Variants in DLG2 observed in about 807,000 individuals in gnomAD.
The protein encoded by DLG2 is disks large homolog 2.
Under a neutral mutation model 132.5 loss-of-function variants are expected in DLG2, and 45 were observed. The observed-to-expected ratio is 0.34, with a 90% confidence interval of 0.27 to 0.44. The LOEUF is 0.44. Among genes scored for constraint, DLG2 ranks in the 20% least tolerant of loss-of-function variants. The pLI is 1.00. For missense variants in DLG2, 1,045 were observed against 1,196.9 expected (o/e 0.87, Z 1.87); for synonymous variants, 424 against 419.6 (o/e 1.01, Z -0.13).
intron 3 of DLG2, among the ~76,000 whole-genome samples, chr11:85,356,063 G>T (rs1053423610): frequency 1.3e-5 from 2 of 152,104 alleles, no homozygotes; most frequent in African/African-American, 4.8e-5. Context: ...ATTTTAAACT[G>T]CCTGAACTAT....
chr11:84,491,869 C>T (rs568223753), intron 7 of DLG2, among the ~76,000 whole-genome samples: 7 of 152,142 alleles, frequency 4.6e-5, no homozygotes, highest in African/African-American at 1.7e-4. Context: ...TGGTGTGGCC[C>T]GGTCATTGAT....
chr11:83,572,308 C>T (rs564104617), intron 19 of DLG2, among the ~76,000 whole-genome samples: 8 of 151,980 alleles, frequency 5.3e-5, no homozygotes, highest in Admixed American at 2.6e-4. Flanking sequence ...CAAATAGAAA[C>T]GGGAATGTGA....
chr11:83,765,768 T>G (rs1055379673), intron 18 of DLG2, among the ~76,000 whole-genome samples: 3 of 152,190 alleles, frequency 2.0e-5, no homozygotes, highest in Non-Finnish European at 4.4e-5. Context: ...GCACAATATA[T>G]GTACAATTGA....
chr11:83,662,450 G>C (rs752622581), intron 18 of DLG2, among the ~76,000 whole-genome samples: 1 of 152,196 alleles, frequency 6.6e-6, no homozygotes, highest in Non-Finnish European at 1.5e-5. Flanking sequence ...AGGAGGCGGA[G>C]TGTTATATTC....
At chr11:85,096,089 G>C (rs892132300) in intron 6 of DLG2, among the ~76,000 whole-genome samples, 2 of 152,108 alleles carry the variant, frequency 1.3e-5, no homozygotes, top group African/African-American at 4.8e-5. Flanking sequence ...AATGGAATAA[G>C]TCAGCACTCT....
intron 15 of DLG2, 101 bp downstream of exon 15, chr11:83,930,227 T>C: frequency 2.3e-6 from 3 of 1,301,902 alleles, no homozygotes; most frequent in East Asian, 2.3e-5. Context: ...TTGGGGAAGA[T>C]GTTTAGTGCA....
intron 6 of DLG2, among the ~76,000 whole-genome samples, chr11:85,033,860 T>A (rs1460942593): frequency 1.3e-5 from 2 of 152,304 alleles, no homozygotes; most frequent in South Asian, 2.1e-4. Context: ...TTATGATCTA[T>A]TTTTTTCTTC....
intron 7 of DLG2, among the ~76,000 whole-genome samples, chr11:84,355,073 T>C (rs2098602987): frequency 6.6e-6 from 1 of 152,108 alleles, no homozygotes; most frequent in Non-Finnish European, 1.5e-5. Flanking sequence ...GTTCACAGTG[T>C]ATAGTTCTCC....
At chr11:85,435,582 A>C (rs1276102975) in intron 3 of DLG2, among the ~76,000 whole-genome samples, 1 of 152,186 alleles carries the variant, frequency 6.6e-6, no homozygotes, top group Non-Finnish European at 1.5e-5. Flanking sequence ...AGAGAATAAA[A>C]TACCCATCAA....
At chr11:84,758,365 C>T (rs1284145762) in intron 6 of DLG2, among the ~76,000 whole-genome samples, 1 of 152,164 alleles carries the variant, frequency 6.6e-6, no homozygotes, top group Admixed American at 6.5e-5. Flanking sequence ...TGACCTGAGA[C>T]AAACTATTTG....
At chr11:84,739,768 A>C (rs1385104549) in intron 6 of DLG2, among the ~76,000 whole-genome samples, 5 of 152,214 alleles carry the variant, frequency 3.3e-5, no homozygotes, top group African/African-American at 1.2e-4. Context: ...GCCATTTTAC[A>C]TAAAGCAGTA....
intron 21 of DLG2, among the ~76,000 whole-genome samples, chr11:83,525,892 G>A (rs372398942): frequency 1.3e-5 from 2 of 152,178 alleles, no homozygotes; most frequent in Non-Finnish European, 2.9e-5. Flanking sequence ...TCTTGCTAAC[G>A]AAATACTGAC....
intron 4 of DLG2, among the ~76,000 whole-genome samples, chr11:85,244,444 C>T (rs1220258475): frequency 6.6e-6 from 1 of 151,810 alleles, no homozygotes; most frequent in Non-Finnish European, 1.5e-5. Flanking sequence ...TGCATTGGGG[C>T]AACAATATGG....
At chr11:84,217,668 T>C (rs952032983) in intron 8 of DLG2, among the ~76,000 whole-genome samples, 1 of 152,220 alleles carries the variant, frequency 6.6e-6, no homozygotes, top group Non-Finnish European at 1.5e-5. Context: ...TTCAGGCGTG[T>C]TAACTTCAAG....
chr11:85,293,886 A>G (rs948503528), intron 3 of DLG2, among the ~76,000 whole-genome samples: 18 of 152,164 alleles, frequency 1.2e-4, no homozygotes. Flanking sequence ...TTTAGTGATC[A>G]ATGTGCCTAA....
At chr11:84,321,430 G>C (rs2098404065) in intron 7 of DLG2, among the ~76,000 whole-genome samples, 1 of 152,074 alleles carries the variant, frequency 6.6e-6, no homozygotes, top group Non-Finnish European at 1.5e-5. Flanking sequence ...TATCCTCATT[G>C]ATACTATAAT....
At position 83,652,162 on chromosome 11, in the gene DLG2, C is replaced by T. The variant is rs559315486; in HGVS notation, c.1826-18837G>A. Among the ~76,000 whole-genome samples the T allele has an allele frequency of 3.9e-5, 6 of 152,222 alleles. No homozygotes were observed. The East Asian group carries it at 5.8e-4, about 15-fold the overall frequency. ...TTTTTTTGGTGTGGAATCTTGGCAG[C>T]GCAACTGGACCCCAGCTTGGAGCCA... On this transcript the variant is annotated intron_variant, in intron 18 of 27. Coordinates refer to ENST00000376104, the MANE Select transcript of DLG2 (RefSeq NM_001142699.3).
chr11:84,615,724 T>C (rs1311292553), intron 6 of DLG2, among the ~76,000 whole-genome samples: 1 of 149,574 alleles, frequency 6.7e-6, no homozygotes, highest in Non-Finnish European at 1.5e-5. Flanking sequence ...GGTGACCTGA[T>C]TAAAAAGGGC....
chr11:85,143,690 G>T (rs2076647047), intron 5 of DLG2, among the ~76,000 whole-genome samples: 2 of 151,676 alleles, frequency 1.3e-5, no homozygotes. Context: ...TGACCTGCTT[G>T]TCACTCAGGA....
Sources: gnomAD v4.1 joint callset for allele counts (sites outside exome capture counted in the v4.1 genomes callset) on GRCh38, gnomAD v4.1.1 for gene constraint, MANE v1.5 for transcripts, NCBI Gene and HGNC (gene_info 2026-07-23, HGNC 2026-07-21) for gene names.